Variants in CNTN6 observed in about 807,000 individuals in gnomAD.
CNTN6 encodes contactin 6, also known as contactin-6.
CNTN6 carries 137 observed loss-of-function variants against 122.8 expected under a neutral mutation model. The observed-to-expected ratio is 1.12, with a 90% CI of 0.97 to 1.29. The LOEUF is 1.29. Among genes scored for constraint, CNTN6 ranks in the 50% most tolerant of loss-of-function variants. CNTN6 has a pLI of 0.00. For missense variants in CNTN6, 1,634 were observed against 1,223.4 expected (o/e 1.34, Z -5.01); for synonymous variants, 570 against 426.0 (o/e 1.34, Z -4.16).
intron 1 of CNTN6, 78 bp from the exon 2 acceptor site, chr3:1,147,848 TA>T: frequency 2.0e-6 from 1 of 503,956 alleles, no homozygotes; most frequent in Non-Finnish European, 3.6e-6. Flanking sequence ...TAAATTGAAT[TA>T]ATATGCAACA....
At position 1,166,832 on chromosome 3, in the gene CNTN6, T is replaced by A. The variant is rs562653164; in HGVS notation, c.55+18769T>A. On this transcript the variant is annotated intron_variant, in intron 2 of 22. Coordinates refer to ENST00000446702, the MANE Select transcript of CNTN6 (RefSeq NM_001289080.2). ...TCTCACTCATAAGTGGGAGTTGAGC[T>A]ATGAGAACACATGGACACGGGAAAG... Among the ~76,000 whole-genome samples, 380 of 152,066 alleles carry A rather than the reference T, an allele frequency of 2.5e-3. 1 individual carries two copies. Among genetic ancestry groups the A allele is most frequent in the African/African-American group, 8.6e-3 (358 of 41,502 alleles).
intron 4 of CNTN6, among the ~76,000 whole-genome samples, chr3:1,259,685 T>C (rs866654106): frequency 6.6e-6 from 1 of 152,116 alleles, no homozygotes; most frequent in African/African-American, 2.4e-5. Context: ...ATGTATGACT[T>C]TGCATGTTAC....
intron 2 of CNTN6, among the ~76,000 whole-genome samples, chr3:1,155,304 G>C (rs899402943): frequency 6.6e-6 from 1 of 152,056 alleles, no homozygotes; most frequent in African/African-American, 2.4e-5. Context: ...CGCATGGTAC[G>C]CACTCAATAA....
chr3:1,225,386 C>T (rs982689000), intron 3 of CNTN6, among the ~76,000 whole-genome samples: 8 of 152,140 alleles, frequency 5.3e-5, no homozygotes, highest in Non-Finnish European at 5.9e-5. Flanking sequence ...CCGTAGTGAT[C>T]AGAATGATTA....
chr3:1,195,676 T>C (rs2093766460), intron 2 of CNTN6, among the ~76,000 whole-genome samples: 2 of 152,184 alleles, frequency 1.3e-5, no homozygotes, highest in African/African-American at 4.8e-5. Flanking sequence ...CCTTCTTAGT[T>C]TACCTTTTGA....
chr3:1,281,727 C>T (rs1159585494), intron 5 of CNTN6, among the ~76,000 whole-genome samples: 2 of 152,102 alleles, frequency 1.3e-5, no homozygotes, highest in Non-Finnish European at 2.9e-5. Context: ...CGTGAGCCAT[C>T]GGGCGCAGCA....
chr3:1,156,739 A>G (rs72999819), intron 2 of CNTN6, among the ~76,000 whole-genome samples: 28,152 of 138,016 alleles, frequency 0.2, 3,422 homozygotes, highest in African/African-American at 0.36. Flanking sequence ...CTTTTTTTCC[A>G]GTCTCGCTCT....
intron 12 of CNTN6, among the ~76,000 whole-genome samples, chr3:1,354,125 A>G (rs1317075597): frequency 6.6e-6 from 1 of 151,506 alleles, no homozygotes; most frequent in Non-Finnish European, 1.5e-5. Context: ...GAAAAATAAA[A>G]GGTGACGGCT....
At chr3:1,133,843 C>T (rs1010603714) in intron 1 of CNTN6, among the ~76,000 whole-genome samples, 11 of 152,238 alleles carry the variant, frequency 7.2e-5, no homozygotes, top group Non-Finnish European at 8.8e-5. Context: ...TTTCCTTCCT[C>T]GGATCCTCTA....
chr3:1,107,877 C>T (rs921217522), intron 1 of CNTN6, among the ~76,000 whole-genome samples: 1 of 152,026 alleles, frequency 6.6e-6, no homozygotes, highest in Admixed American at 6.6e-5. Context: ...GTCTAAATTG[C>T]AGTTTCAAAA....
At chr3:1,159,097 A>G (rs546663392) in intron 2 of CNTN6, among the ~76,000 whole-genome samples, 22 of 151,410 alleles carry the variant, frequency 1.5e-4, no homozygotes, top group Admixed American at 3.3e-4. Context: ...TCTGAAACCA[A>G]TTTAAAGGGG....
chr3:1,331,964 C>T (rs972336763), intron 11 of CNTN6, among the ~76,000 whole-genome samples: 1 of 151,906 alleles, frequency 6.6e-6, no homozygotes, highest in African/African-American at 2.4e-5. Flanking sequence ...ATTTTCACCT[C>T]ACCACAGTTA....
intron 2 of CNTN6, among the ~76,000 whole-genome samples, chr3:1,186,024 A>C (rs567529300): frequency 6.6e-6 from 1 of 152,296 alleles, no homozygotes; most frequent in South Asian, 2.1e-4. Context: ...GAAGAATACA[A>C]AAGGGAATAT....
At chr3:1,190,761 C>T (rs2093690262) in intron 2 of CNTN6, among the ~76,000 whole-genome samples, 1 of 152,114 alleles carries the variant, frequency 6.6e-6, no homozygotes, top group Admixed American at 6.5e-5. Context: ...CATATATCAC[C>T]TTCAGCCTGT....
chr3:1,101,729 T>G (rs1039400602), intron 1 of CNTN6, among the ~76,000 whole-genome samples: 3 of 152,226 alleles, frequency 2.0e-5, no homozygotes, highest in African/African-American at 7.2e-5. Context: ...TGTAACAAAT[T>G]AAAGTGCTTG....
rs533156481 is a variant in CNTN6 at position 1,373,629 on chromosome 3, G to A, written c.1812G>A (p.Val604=). The part of the protein sequence containing the change: ...VRGPPGPPED[V]QVEDISSTTS... Reference sequence around the variant, plus strand: ...GTCCACCAGGTCCTCCTGAGGATGTGCAAGTGGAAGACATTTCCAGTACTA... The same window carrying A: ...GTCCACCAGGTCCTCCTGAGGATGTACAAGTGGAAGACATTTCCAGTACTA... The change falls in exon 15 of 23, where the codon GTG becomes GTA. Residue 604 remains valine (V), a synonymous_variant. Transcript: ENST00000446702. 1.1e-5 allele frequency: 17 copies of A among 1,612,386 alleles called. No homozygotes were observed. The South Asian group carries it at 1.9e-4, about 18-fold the overall frequency.
chr3:1,118,065 A>C (rs1454381206), intron 1 of CNTN6, among the ~76,000 whole-genome samples: 1 of 152,148 alleles, frequency 6.6e-6, no homozygotes, highest in East Asian at 1.9e-4. Flanking sequence ...ACAAATACCT[A>C]TGCCATGTTT....
At chr3:1,287,996 G>A (rs1383529555) in intron 5 of CNTN6, among the ~76,000 whole-genome samples, 2 of 152,156 alleles carry the variant, frequency 1.3e-5, no homozygotes, top group African/African-American at 4.8e-5. Context: ...TCACTTTACA[G>A]TGTTGGCTCG....
At chr3:1,391,661 G>T (rs1395166362) in intron 20 of CNTN6, among the ~76,000 whole-genome samples, 14 of 151,230 alleles carry the variant, frequency 9.3e-5, no homozygotes, top group Non-Finnish European at 2.1e-4. Flanking sequence ...AAACCCCATT[G>T]TCTCAGCCCA....
Sources: gnomAD v4.1 joint callset for allele counts (sites outside exome capture counted in the v4.1 genomes callset) on GRCh38, gnomAD v4.1.1 for gene constraint, MANE v1.5 for transcripts, NCBI Gene and HGNC (gene_info 2026-07-23, HGNC 2026-07-21) for gene names.